SPRING1: variants seen among roughly 807,000 people sequenced by gnomAD.
SPRING1 encodes SREBF pathway regulator in golgi 1.
A neutral mutation model predicts 24.7 loss-of-function variants in SPRING1; 14 were observed. The ratio of observed to expected loss-of-function variants is 0.57; its 90% CI spans 0.37 to 0.88. The LOEUF (loss-of-function observed/expected upper bound fraction) is 0.88. SPRING1 is among the 40% of genes least tolerant of loss of function. SPRING1 has a pLI of 0.00. For synonymous variants in SPRING1, 93 were observed against 106.1 expected (o/e 0.88, Z 0.76); for missense variants, 255 against 268.4 (o/e 0.95, Z 0.35).
At position 116,716,156 on chromosome 12, in the gene SPRING1, A is replaced by G. The variant is rs1337437103; in HGVS notation, c.*1654T>C. 1.3e-5 allele frequency: 2 copies of G among 152,238 alleles called. No homozygotes were observed. Among genetic ancestry groups the G allele is most frequent in the African/African-American group, 2.4e-5 (1 of 41,450 alleles). 9.4% of individuals were successfully genotyped at this position (152,238 alleles called of 1,614,324 possible). ...AAACACATGGAATCCGAGAAGTCCA[A>G]TGCAAACGGAATAGATTTCTTGGGA... On this transcript the variant is annotated 3_prime_UTR_variant, in exon 5 of 5. Coordinates refer to ENST00000261318, the MANE Select transcript of SPRING1 (RefSeq NM_024738.4).
In SPRING1 at chr12:116,714,418, C is replaced by T. The variant is rs1870015797; in HGVS notation, c.*3392G>A. ...GCATCTCCAGGAGGCCCCAGTTGGGCTTGGGGACATGCTGAGAGGTGACAG... is the reference window on the plus strand; with the variant it reads ...GCATCTCCAGGAGGCCCCAGTTGGGTTTGGGGACATGCTGAGAGGTGACAG... On this transcript the variant is annotated 3_prime_UTR_variant, in exon 5 of 5. Transcript: ENST00000261318. 1 of 152,236 alleles carries T rather than the reference C, an allele frequency of 6.6e-6. No homozygotes were observed. 9.4% of individuals were successfully genotyped at this position (152,236 alleles called of 1,614,324 possible).
At chr12:116,734,115 G>C (rs1246183104) in intron 1 of SPRING1, among the ~76,000 whole-genome samples, 1 of 152,198 alleles carries the variant, frequency 6.6e-6, no homozygotes, top group East Asian at 1.9e-4. Context: ...GACGTCAAGT[G>C]ATCTGCCTGC....
intron 1 of SPRING1, among the ~76,000 whole-genome samples, chr12:116,733,845 T>C (rs980457850): frequency 5.3e-5 from 8 of 152,164 alleles, no homozygotes; most frequent in African/African-American, 1.9e-4. Flanking sequence ...CAAGCTCCAC[T>C]CACGGTAAGT....
chr12:116,735,963 C>A (rs1039273512), intron 1 of SPRING1, among the ~76,000 whole-genome samples: 1 of 143,798 alleles, frequency 7.0e-6, no homozygotes. Flanking sequence ...ATCATTTGAA[C>A]CCGGGAGGTG....
chr12:116,722,475 T>C (rs929259316), intron 2 of SPRING1, among the ~76,000 whole-genome samples: 1 of 152,244 alleles, frequency 6.6e-6, no homozygotes, highest in African/African-American at 2.4e-5. Flanking sequence ...CCACTGACTA[T>C]GTCATCTTAT....
chr12:116,719,940 A>C lies in SPRING1; in HGVS notation c.421-64T>G, dbSNP rs1164772596. ...AAGCCAGCACAAGGTGACCTTGGCTATCTCTCCTAAACTAAGAGAATGCTG... is the reference window on the plus strand; with the variant it reads ...AAGCCAGCACAAGGTGACCTTGGCTCTCTCTCCTAAACTAAGAGAATGCTG... On this transcript the variant is annotated intron_variant, in intron 3 of 4. Coordinates refer to ENST00000261318, the MANE Select transcript of SPRING1 (RefSeq NM_024738.4). The C allele has an allele frequency of 1.7e-5, 24 of 1,379,836 alleles. No individual in the cohort carries two copies. In the East Asian group the frequency reaches 3.9e-4, roughly 22 times the overall value. 85.5% of individuals were successfully genotyped at this position (1,379,836 alleles called of 1,614,324 possible).
intron 1 of SPRING1, among the ~76,000 whole-genome samples, chr12:116,730,061 C>T (rs892913425): frequency 6.6e-5 from 10 of 151,924 alleles, no homozygotes; most frequent in East Asian, 1.9e-4. Flanking sequence ...CCACCACGCC[C>T]GGCTAATTTT....
intron 4 of SPRING1, among the ~76,000 whole-genome samples, chr12:116,719,354 G>A (rs1345984188): frequency 6.6e-6 from 1 of 152,068 alleles, no homozygotes; most frequent in African/African-American, 2.4e-5. Flanking sequence ...AATAAACAGC[G>A]ACTCCATCCC....
chr12:116,719,330 C>A (rs1870306776), intron 4 of SPRING1, among the ~76,000 whole-genome samples: 1 of 152,210 alleles, frequency 6.6e-6, no homozygotes, highest in East Asian at 1.9e-4. Flanking sequence ...CTGCCTCATC[C>A]CCTTGAATCC....
At position 116,710,529 on chromosome 12, in the gene SPRING1, T is replaced by C. The variant is rs1869825983; in HGVS notation, c.*7281A>G. 1 of 152,254 alleles carries C rather than the reference T, an allele frequency of 6.6e-6. No individual in the cohort carries two copies. The highest frequency in any genetic ancestry group is 1.5e-5 in the Non-Finnish European group (1 of 68,054). The allele number at this position is 152,254 out of a possible 1,614,324, so 9.4% of individuals were successfully genotyped here. A position where few individuals can be genotyped will look rare whatever the true frequency, so the allele number is the denominator to read the frequency against. On this transcript the variant is annotated 3_prime_UTR_variant, in exon 5 of 5. Transcript: ENST00000261318. The stretch of plus-strand genomic sequence containing the variant: ...GAAACGTAGTACCGTTGTGTGCTTC[T>C]CTGCCAAAAGGCAGCTATTTTTATG...
At chr12:116,733,869 G>A (rs543088854) in intron 1 of SPRING1, among the ~76,000 whole-genome samples, 3 of 152,008 alleles carry the variant, frequency 2.0e-5, no homozygotes, top group African/African-American at 7.2e-5. Context: ...CTTTATGGGC[G>A]TACCATTTTT....
rs111959200 is a variant in SPRING1, at chr12:116,738,023, C to G, written c.-123G>C. The G allele has an allele frequency of 9.0e-7, 1 of 1,107,006 alleles. No individual in the cohort carries two copies. The highest frequency in any genetic ancestry group is 1.7e-5 in the African/African-American group (1 of 60,048). The allele number at this position is 1,107,006 out of a possible 1,614,324, so 68.6% of individuals were successfully genotyped here. On this transcript the variant is annotated 5_prime_UTR_variant, in exon 1 of 5. Coordinates refer to ENST00000261318, the MANE Select transcript of SPRING1 (RefSeq NM_024738.4). ...CCAGGCAGGCGCCGGCCCCGCCGCC[C>G]GCAGCCCAGTCTGCTCCCGGCAGCC...
chr12:116,720,099 G>T lies in SPRING1; in HGVS notation c.420+197C>A. 1.3e-6 allele frequency: 1 copy of T among 767,588 alleles called. No homozygotes were observed. The highest frequency in any genetic ancestry group is 2.1e-6 in the Non-Finnish European group (1 of 486,148). The allele number at this position is 767,588 out of a possible 1,614,324, so 47.5% of individuals were successfully genotyped here. On this transcript the variant is annotated intron_variant, in intron 3 of 4. Coordinates refer to ENST00000261318, the MANE Select transcript of SPRING1 (RefSeq NM_024738.4). The surrounding 1 kb of genome is among the most constrained non-coding windows in gnomAD (Gnocchi z 4.0). ...GATTAGCAATACAATGATCCATTCTGCAAAAGAACCATTCAAGCAACTGGG... is the reference window on the plus strand; with the variant it reads ...GATTAGCAATACAATGATCCATTCTTCAAAAGAACCATTCAAGCAACTGGG...
In SPRING1 at chr12:116,723,200, C is replaced by G. The variant is rs561038695; in HGVS notation, c.135G>C (p.Arg45Ser). 1.8e-5 allele frequency: 29 copies of G among 1,614,124 alleles called. No individual in the cohort carries two copies. In the East Asian group the frequency reaches 6.0e-4, roughly 33 times the overall value. The change falls in exon 2 of 5, where the codon AGG (arginine) becomes AGC (serine). Residue 45 changes from arginine (R) to serine (S), a missense_variant. Transcript: ENST00000261318. ...FKQEERAVRD[R>S]NLLQVHDHNQ... ...TATGGTCATGAACCTGGAGGAGATT[C>G]CTATCTCTCACTGCCCTCTCCTCCT... is the stretch of plus-strand genomic sequence containing the variant.
chr12:116,736,832 G>C (rs1871245208), intron 1 of SPRING1, among the ~76,000 whole-genome samples: 1 of 152,146 alleles, frequency 6.6e-6, no homozygotes, highest in African/African-American at 2.4e-5. Context: ...TGTTGGAGGG[G>C]TGGAATTCTA....
chr12:116,733,885 T>C (rs2137046698), intron 1 of SPRING1, among the ~76,000 whole-genome samples: 1 of 152,238 alleles, frequency 6.6e-6, no homozygotes, highest in Non-Finnish European at 1.5e-5. Context: ...TTTTTACTCT[T>C]ATATTTTTTG....
At position 116,720,105 on chromosome 12, in the gene SPRING1, G is replaced by T; in HGVS notation, c.420+191C>A. ...CAATACAATGATCCATTCTGCAAAA[G>T]AACCATTCAAGCAACTGGGAACCAC... is the stretch of plus-strand genomic sequence containing the variant. On this transcript the variant is annotated intron_variant, in intron 3 of 4. Transcript: ENST00000261318. The surrounding 1 kb of genome is among the most constrained non-coding windows in gnomAD (Gnocchi z 4.0). 1 of 781,104 alleles carries T rather than the reference G, an allele frequency of 1.3e-6. No individual in the cohort carries two copies. The highest frequency in any genetic ancestry group is 2.0e-6 in the Non-Finnish European group (1 of 497,766). The allele number at this position is 781,104 out of a possible 1,614,324, so 48.4% of individuals were successfully genotyped here. A position where few individuals can be genotyped will look rare whatever the true frequency, so the allele number is the denominator to read the frequency against.
chr12:116,733,375 G>C lies in SPRING1; in HGVS notation c.111+4415C>G. On this transcript the variant is annotated intron_variant, in intron 1 of 4. Transcript: ENST00000261318. The stretch of plus-strand genomic sequence containing the variant: ...TTTTTTGTATTTTCAGTAGAGACAG[G>C]GTTTCACCGTGTTAGCCAGGATGAT... Among the ~76,000 whole-genome samples, 2 of 136,640 alleles carry C rather than the reference G, an allele frequency of 1.5e-5. 1 individual carries two copies. Among genetic ancestry groups the C allele is most frequent in the Non-Finnish European group, 3.0e-5 (2 of 66,766 alleles). The allele number at this position is 136,640 out of a possible 152,430, so 89.6% of individuals were successfully genotyped here.
At position 116,723,122 on chromosome 12, in the gene SPRING1, C is replaced by T. The variant is rs749592346; in HGVS notation, c.213G>A (p.Pro71=). The change falls in exon 2 of 5, where the codon CCG becomes CCA. Residue 71 remains proline (P), a synonymous_variant. Transcript: ENST00000261318. Reference sequence around the variant, plus strand: ...GAATGGAGTTGCGGCACTGATTGCTCGGACGACTGCTATTGCCCAAGTTAA... The same window carrying T: ...GAATGGAGTTGCGGCACTGATTGCTTGGACGACTGCTATTGCCCAAGTTAA... ...VQFNLGNSSR[P]SNQCRNSIQG... is the part of the protein sequence containing the mutation. 5.6e-6 allele frequency: 9 copies of T among 1,612,900 alleles called. No individual in the cohort carries two copies. Among genetic ancestry groups the T allele is most frequent in the Middle Eastern group, 2.0e-4 (1 of 5,082 alleles).
Sources: allele counts gnomAD v4.1 joint callset (sites outside exome capture counted in the v4.1 genomes callset), GRCh38; gene constraint gnomAD v4.1.1; non-coding constraint Gnocchi (gnomAD v3.1); transcripts MANE v1.5; gene names NCBI Gene and HGNC (gene_info 2026-07-23, HGNC 2026-07-21).